The following HINT2 variants were observed in gnomAD, a reference collection of about 807,000 sequenced individuals.
The protein encoded by HINT2 is adenosine 5'-monophosphoramidase HINT2.
In HINT2, 17 loss-of-function variants were observed where a neutral mutation model predicts 20.0. The ratio of observed to expected loss-of-function variants is 0.85; its 90% CI spans 0.58 to 1.27. The LOEUF (loss-of-function observed/expected upper bound fraction) is 1.27. Ranked by LOEUF, HINT2 falls within the 50% of genes most tolerant of loss-of-function variation. The pLI is 0.00. For missense variants in HINT2, 217 were observed against 211.9 expected, an observed-to-expected ratio of 1.02 and a Z score of -0.15; for synonymous variants, 96 against 84.2, an observed-to-expected ratio of 1.14 and a Z score of -0.77.
chr9:35,814,810 G>T, intron 1 of HINT2, 89 bp downstream of exon 1: 1 of 1,163,656 alleles, frequency 8.6e-7, no homozygotes, highest in Non-Finnish European at 1.2e-6. Flanking sequence ...CAGGAGCTCT[G>T]CGCGGCTCTG....
upstream of HINT2, chr9:35,815,192 C>G: frequency 4.3e-6 from 2 of 466,696 alleles, no homozygotes; most frequent in Non-Finnish European, 7.5e-6. Context: ...CTTCTACCAA[C>G]GCGAGGACAA....
rs45557933 is a variant in HINT2 at position 35,814,273 on chromosome 9, G to A, written c.82-489C>T. 1.0e-3 allele frequency: 161 copies of A among 157,926 alleles called. 2 individuals carry two copies. The highest frequency in any genetic ancestry group is 1.3e-3 in the Non-Finnish European group (90 of 71,546). The allele number at this position is 157,926 out of a possible 1,614,324, so 9.8% of individuals were successfully genotyped here. ...AAGCCTTGTCGCCTGTTTTATTTAAGTTTTAATGCAATCGCCCTGTTTGAC... is the reference window on the plus strand; with the variant it reads ...AAGCCTTGTCGCCTGTTTTATTTAAATTTTAATGCAATCGCCCTGTTTGAC... On this transcript the variant is annotated intron_variant, in intron 1 of 4. Transcript: ENST00000259667.
At position 35,813,274 on chromosome 9, in the gene HINT2, T is replaced by A. The variant is rs1008770248; in HGVS notation, c.392A>T (p.Tyr131Phe). 1.2e-5 allele frequency: 19 copies of A among 1,614,076 alleles called. No homozygotes were observed. Among genetic ancestry groups the A allele is most frequent in the Middle Eastern group, 1.6e-4 (1 of 6,084 alleles). The change falls in exon 4 of 5, where the codon TAC becomes TTC. Residue 131 changes from tyrosine to phenylalanine, a missense_variant. Tyr to Phe is a conservative substitution (Grantham distance 22). Transcript: ENST00000259667. ...GGCCAAAAGTCACTCACCAAGTCGG[T>A]ATCCATCTCCCAGGCCCTCAGCCTT... ...TAKAEGLGDG[Y>F]RLVINDGKLG...
Position 35,813,539 on chromosome 9 carries a change from A to G in HINT2, c.233T>C (p.Phe78Ser). The change falls in exon 3 of 5, where the codon TTC becomes TCC. Residue 78 changes from phenylalanine (F) to serine (S), a missense_variant. Phe to Ser is a radical substitution (Grantham distance 155). Coordinates refer to ENST00000259667, the MANE Select transcript of HINT2 (RefSeq NM_032593.3). ...ILYEDQQCLV[F>S]RDVAPQAPVH... ...AGGAGCCTGAGGGGCCACATCACGG[A>G]ACACAAGACACTGGGGGAAGTGACA... 1 of 1,614,178 alleles carries G rather than the reference A, an allele frequency of 6.2e-7. No individual in the cohort carries two copies. The highest frequency in any genetic ancestry group is 8.5e-7 in the Non-Finnish European group (1 of 1,180,040).
In HINT2 at chr9:35,813,524, G is replaced by A. The variant is rs140465805; in HGVS notation, c.248C>T (p.Pro83Leu). 518 of 1,614,102 alleles carry A rather than the reference G, an allele frequency of 3.2e-4. 2 individuals are homozygous for A. Among genetic ancestry groups the A allele is most frequent in the Admixed American group, 7.3e-4 (44 of 60,008 alleles). ...QQCLVFRDVA[P>L]QAPVHFLVIP... is the part of the protein sequence containing the mutation. ...GACCAGGAAGTGCACAGGAGCCTGA[G>A]GGGCCACATCACGGAACACAAGACA... The change falls in exon 3 of 5, where the codon CCT becomes CTT. Residue 83 changes from proline to leucine, a missense_variant. By Grantham distance (98) the Pro-to-Leu change is moderately conservative (BLOSUM62 -3). Transcript: ENST00000259667.
chr9:35,814,833 A>G, intron 1 of HINT2, 66 bp downstream of exon 1: 1 of 1,348,290 alleles, frequency 7.4e-7, no homozygotes, highest in Non-Finnish European at 9.8e-7. Flanking sequence ...CGCCTTCGGG[A>G]CCCCCTGGCC....
chr9:35,815,315 G>A (rs544218549), upstream of HINT2: 7 of 235,556 alleles, frequency 3.0e-5, no homozygotes, highest in Middle Eastern at 1.3e-3. Flanking sequence ...AGGATTAATG[G>A]AGCCTGGAGG....
rs1588085610 is a variant in HINT2 at position 35,814,491 on chromosome 9, TGACCTCC to T, written c.81+401_81+407del. On this transcript the variant is annotated intron_variant, in intron 1 of 4. Transcript: ENST00000259667. ...GGAGAACGGGACGGAATGAATTCTC[TGACCTCC>T]GAGCCGCTTCTGGCAAGTGCAGAAG... 2.3e-5 allele frequency: 4 copies of T among 172,350 alleles called. No homozygotes were observed. In the East Asian group the frequency reaches 6.3e-4, roughly 27 times the overall value. The allele number at this position is 172,350 out of a possible 1,614,324, so 10.7% of individuals were successfully genotyped here.
In HINT2 at chr9:35,814,946, G is replaced by A. The variant is rs1245224381; in HGVS notation, c.34C>T (p.Arg12Cys). 4.7e-6 allele frequency: 7 copies of A among 1,484,430 alleles called. No individual in the cohort carries two copies. The Admixed American group carries it at 1.2e-4, about 25-fold the overall frequency. The allele number at this position is 1,484,430 out of a possible 1,614,324, so 92.0% of individuals were successfully genotyped here. A position where few individuals can be genotyped will look rare whatever the true frequency, so the allele number is the denominator to read the frequency against. ...AAAVVLAAGL[R>C]AARRAVAATG... ...GCCGCCACGGCTCTGCGCGCCGCGC[G>A]CAACCCAGCAGCCAGCACCACGGCT... Residue 12 changes from arginine to cysteine, a missense_variant, in exon 1 of 5, where the codon CGC becomes TGC. Coordinates refer to ENST00000259667, the MANE Select transcript of HINT2 (RefSeq NM_032593.3).
Position 35,813,251 on chromosome 9 carries a change from C to T in HINT2, c.400+15G>A. 6.2e-7 allele frequency: 1 copy of T among 1,614,106 alleles called. No individual in the cohort carries two copies. The highest frequency in any genetic ancestry group is 1.1e-5 in the South Asian group (1 of 91,084). On this transcript the variant is annotated intron_variant, in intron 4 of 4. Transcript: ENST00000259667. ...GAATTCATAGGTGAGGGACCAAGGG[C>T]CAAAAGTCACTCACCAAGTCGGTAT...
chr9:35,814,562 T>C, intron 1 of HINT2: 1 of 296,144 alleles, frequency 3.4e-6, no homozygotes, highest in Non-Finnish European at 6.3e-6. Context: ...GCCAGAAGCC[T>C]GAGGAGGGCA....
In HINT2 at chr9:35,813,302, C is replaced by A. The variant is rs751983223; in HGVS notation, c.364G>T (p.Ala122Ser). The change falls in exon 4 of 5, where the codon GCA becomes TCA. Residue 122 changes from alanine (A) to serine (S), a missense_variant. Transcript: ENST00000259667. Reference sequence around the variant, plus strand: ...CCATCTCCCAGGCCCTCAGCCTTTGCTGTCTGCTTGGCCACAAGGAGTAGG... The same window carrying A: ...CCATCTCCCAGGCCCTCAGCCTTTGATGTCTGCTTGGCCACAAGGAGTAGG... ...GHLLLVAKQT[A>S]KAEGLGDGYR... 6.2e-7 allele frequency: 1 copy of A among 1,614,168 alleles called. No homozygotes were observed. The highest frequency in any genetic ancestry group is 1.1e-5 in the South Asian group (1 of 91,090).
Position 35,814,914 on chromosome 9 carries a change from C to T in HINT2, c.66G>A (p.Gly22=), listed in dbSNP as rs746524360. 4.5e-5 allele frequency: 67 copies of T among 1,487,014 alleles called. No homozygotes were observed. The highest frequency in any genetic ancestry group is 7.6e-5 in the South Asian group (6 of 79,076). The allele number at this position is 1,487,014 out of a possible 1,614,324, so 92.1% of individuals were successfully genotyped here. The stretch of plus-strand genomic sequence containing the variant: ...CACTTCTCACCTGCCCCCCGCGCAC[C>T]CCCGTGGCCGCCACGGCTCTGCGCG... The part of the protein sequence containing the change: ...RAARRAVAAT[G]VRGGQVRGAA... The change falls in exon 1 of 5, where the codon GGG becomes GGA. Residue 22 remains glycine (G), a synonymous_variant. Transcript: ENST00000259667.
At chr9:35,814,211 A>G (rs1828954395) in intron 1 of HINT2, 1 of 162,886 alleles carries the variant, frequency 6.1e-6, no homozygotes, top group Non-Finnish European at 1.3e-5. Flanking sequence ...TTGTTAGTAC[A>G]TTTCCACTTA....
intron 2 of HINT2, 31 bp downstream of exon 2, chr9:35,813,613 C>G: frequency 6.2e-7 from 1 of 1,614,112 alleles, no homozygotes; most frequent in Non-Finnish European, 8.5e-7. Flanking sequence ...CTACAACATT[C>G]CTAAGGGGAT....
upstream of HINT2, chr9:35,815,086 A>C: frequency 9.5e-7 from 1 of 1,048,538 alleles, no homozygotes; most frequent in Non-Finnish European, 1.3e-6. Flanking sequence ...CGGCCGGGCG[A>C]GCCCTGCTAC....
At chr9:35,815,122 G>C, upstream of HINT2, 2 of 715,718 alleles carry the variant, frequency 2.8e-6, no homozygotes, top group Non-Finnish European at 4.1e-6. Flanking sequence ...CTCTGAGCAC[G>C]ATTCACCCCA....
intron 1 of HINT2, chr9:35,814,035 T>C (rs1421160212): frequency 4.2e-6 from 2 of 479,248 alleles, no homozygotes; most frequent in Non-Finnish European, 7.5e-6. Flanking sequence ...TAGCACTGTT[T>C]AGGGAAAGGA....
At position 35,813,730 on chromosome 9, in the gene HINT2, CCT is replaced by C; in HGVS notation, c.134_135del (p.Gln45ArgfsTer22). The C allele has an allele frequency of 6.2e-7, 1 of 1,614,040 alleles. No homozygotes were observed. The highest frequency in any genetic ancestry group is 1.3e-5 in the African/African-American group (1 of 75,050). ...TDGNEVAKAQQATPGGAAPTI... is the reference protein window; with the variant it reads ...TDGNEVAKAQXATPGGAAPTI... The stretch of plus-strand genomic sequence containing the variant: ...GTTGGGGCTGCTCCCCCAGGAGTTG[CCT>C]GCTGGGCCTTGGCCACTTCATTCCC... On this transcript the variant is annotated frameshift_variant, in exon 2 of 5. Coordinates refer to ENST00000259667, the MANE Select transcript of HINT2 (RefSeq NM_032593.3). LOFTEE classifies it high-confidence loss of function.
Sources: gnomAD v4.1 joint callset for allele counts on GRCh38, gnomAD v4.1.1 for gene constraint, MANE v1.5 for transcripts, NCBI Gene and HGNC (gene_info 2026-07-23, HGNC 2026-07-21) for gene names.